ELL2: variants seen among roughly 807,000 people sequenced by gnomAD.
The protein encoded by ELL2 is elongation factor for RNA polymerase II 2.
A neutral mutation model predicts 72.8 loss-of-function variants in ELL2; 21 were observed. The ratio of observed to expected loss-of-function variants is 0.29; its 90% CI spans 0.20 to 0.42. ELL2 has a LOEUF of 0.42. Ranked by LOEUF, ELL2 falls within the 10% of genes least tolerant of loss-of-function variation. The pLI, the probability that ELL2 is intolerant of heterozygous loss-of-function variation, is 1.00. For missense variants in ELL2, 568 were observed against 772.8 expected, an observed-to-expected ratio of 0.73 and a Z score of 3.14; for synonymous variants, 266 against 283.2, an observed-to-expected ratio of 0.94 and a Z score of 0.61.
chr5:95,900,735 T>C lies in ELL2; in HGVS notation c.912A>G (p.Glu304=). ...SQNAAGTSRS[E]SPVCSSRDAV... ...CGTCTCTACTAGAACATACAGGAGATTCTGAACGGCTGGTGCCTGCAGCAT... is the reference window on the plus strand; with the variant it reads ...CGTCTCTACTAGAACATACAGGAGACTCTGAACGGCTGGTGCCTGCAGCAT... Residue 304 remains glutamate (E), a synonymous_variant, in exon 7 of 12, where the codon GAA becomes GAG. Coordinates refer to ENST00000237853, the MANE Select transcript of ELL2 (RefSeq NM_012081.6). 3.1e-6 allele frequency: 5 copies of C among 1,608,762 alleles called. No individual in the cohort carries two copies. Among genetic ancestry groups the C allele is most frequent in the Non-Finnish European group, 4.2e-6 (5 of 1,177,840 alleles).
At chr5:95,927,806 T>C (rs550211333) in intron 2 of ELL2, among the ~76,000 whole-genome samples, 1 of 101,350 alleles carries the variant, frequency 9.9e-6, no homozygotes, top group African/African-American at 5.8e-5. Flanking sequence ...CACACACACA[T>C]ATGTGTGTAT....
chr5:95,928,434 G>T lies in ELL2; in HGVS notation c.196-8889C>A, dbSNP rs1750474453. On this transcript the variant is annotated intron_variant, in intron 2 of 11. Transcript: ENST00000237853. ...CCCTTCCAAAATTTAAATATACAAA[G>T]CTGATATAAACTAAATTATCATCTC... Among the ~76,000 whole-genome samples the T allele has an allele frequency of 3.9e-5, 6 of 152,036 alleles. No individual in the cohort carries two copies. In the South Asian group the frequency reaches 1.0e-3, roughly 26 times the overall value.
chr5:95,912,670 C>T (rs1749651185), intron 4 of ELL2, among the ~76,000 whole-genome samples: 1 of 152,116 alleles, frequency 6.6e-6, no homozygotes, highest in African/African-American at 2.4e-5. Context: ...GAACTAGGCC[C>T]CATGGGTACA....
At position 95,887,918 on chromosome 5, in the gene ELL2, A is replaced by G. The variant is rs1748516632; in HGVS notation, c.*953T>C. Reference sequence around the variant, plus strand: ...TTTGCCCAACATTAATAAAGCTGACAAACTCGTTGAAATGGAAATGCTTTT... The same window carrying G: ...TTTGCCCAACATTAATAAAGCTGACGAACTCGTTGAAATGGAAATGCTTTT... On this transcript the variant is annotated 3_prime_UTR_variant, in exon 12 of 12. Transcript: ENST00000237853. 1 of 152,506 alleles carries G rather than the reference A, an allele frequency of 6.6e-6. No homozygotes were observed. The highest frequency in any genetic ancestry group is 1.5e-5 in the Non-Finnish European group (1 of 68,044). 9.4% of individuals were successfully genotyped at this position (152,506 alleles called of 1,614,324 possible).
intron 2 of ELL2, among the ~76,000 whole-genome samples, chr5:95,922,356 C>T (rs1187649641): frequency 6.6e-6 from 1 of 152,218 alleles, no homozygotes; most frequent in Non-Finnish European, 1.5e-5. Flanking sequence ...GCCACTGCGC[C>T]CAGCCTAAAT....
intron 6 of ELL2, 76 bp from the exon 7 acceptor site, chr5:95,900,856 C>T: frequency 6.4e-7 from 1 of 1,559,932 alleles, no homozygotes; most frequent in Non-Finnish European, 8.7e-7. Flanking sequence ...CCTTGCTTCC[C>T]TTCCCACCTT....
At position 95,918,821 on chromosome 5, in the gene ELL2, A is replaced by G. The variant is rs189595130; in HGVS notation, c.317+603T>C. On this transcript the variant is annotated intron_variant, in intron 3 of 11. Transcript: ENST00000237853. ...TATTGTTTACAGAGGATCTAAGTAGATAAGCGTCCCATGGTACCCTAGGGT... is the reference window on the plus strand; with the variant it reads ...TATTGTTTACAGAGGATCTAAGTAGGTAAGCGTCCCATGGTACCCTAGGGT... Among the ~76,000 whole-genome samples the G allele has an allele frequency of 2.7e-3, 406 of 151,844 alleles. 5 individuals carry two copies. The highest frequency in any genetic ancestry group is 4.0e-4 in the Non-Finnish European group (27 of 67,970).
intron 5 of ELL2, among the ~76,000 whole-genome samples, chr5:95,902,436 C>T (rs571086828): frequency 6.6e-5 from 10 of 152,162 alleles, no homozygotes; most frequent in South Asian, 2.1e-4. Flanking sequence ...CCTAGAGTTT[C>T]GCGGCTTAGC....
intron 1 of ELL2, among the ~76,000 whole-genome samples, chr5:95,947,723 C>T (rs1305049645): frequency 6.6e-6 from 1 of 152,098 alleles, no homozygotes; most frequent in Non-Finnish European, 1.5e-5. Flanking sequence ...TGTGTTACCC[C>T]CTAGTGCTAA....
At chr5:95,904,335 T>C (rs1361496412) in intron 5 of ELL2, among the ~76,000 whole-genome samples, 1 of 152,248 alleles carries the variant, frequency 6.6e-6, no homozygotes, top group Non-Finnish European at 1.5e-5. Flanking sequence ...ATCCAAATGT[T>C]AAGCTGGATA....
chr5:95,950,224 A>C (rs1561514889), intron 1 of ELL2, among the ~76,000 whole-genome samples: 2 of 152,210 alleles, frequency 1.3e-5, no homozygotes, highest in Non-Finnish European at 2.9e-5. Context: ...ACTTGGATAA[A>C]ATAGATCATC....
intron 4 of ELL2, among the ~76,000 whole-genome samples, chr5:95,913,149 G>A (rs1315004026): frequency 6.6e-6 from 1 of 152,184 alleles, no homozygotes; most frequent in Admixed American, 6.5e-5. Flanking sequence ...ACTTGAGTGA[G>A]CTAATGATAA....
At chr5:95,939,215 G>A (rs186524018) in intron 2 of ELL2, among the ~76,000 whole-genome samples, 102 of 152,198 alleles carry the variant, frequency 6.7e-4, no homozygotes, top group African/African-American at 2.3e-3. Flanking sequence ...ACACATATAC[G>A]CCTTGTTCCT....
Position 95,893,580 on chromosome 5 carries a change from T to A in ELL2, c.1589+2048A>T, listed in dbSNP as rs1487567119. Among the ~76,000 whole-genome samples the A allele has an allele frequency of 2.0e-5, 3 of 152,210 alleles. No individual in the cohort carries two copies. The East Asian group carries it at 5.8e-4, about 30-fold the overall frequency. On this transcript the variant is annotated intron_variant, in intron 9 of 11. Coordinates refer to ENST00000237853, the MANE Select transcript of ELL2 (RefSeq NM_012081.6). ...TTTTGTATTTTTAGTAGAGACGGGG[T>A]TTCACCATGTTAGCCAGGATGGTCT...
intron 2 of ELL2, among the ~76,000 whole-genome samples, chr5:95,939,983 T>C (rs1250129870): frequency 6.6e-6 from 1 of 152,188 alleles, no homozygotes; most frequent in Non-Finnish European, 1.5e-5. Context: ...AGGTACAGAT[T>C]AGAACTGTGA....
chr5:95,899,911 T>C (rs550029635), intron 7 of ELL2, among the ~76,000 whole-genome samples: 1 of 152,284 alleles, frequency 6.6e-6, no homozygotes, highest in Admixed American at 6.5e-5. Context: ...TATTTTCTGA[T>C]GTGCGAATGG....
chr5:95,943,909 T>C (rs1402724886), intron 1 of ELL2, among the ~76,000 whole-genome samples: 1 of 152,230 alleles, frequency 6.6e-6, no homozygotes, highest in Non-Finnish European at 1.5e-5. Context: ...CAGCATATTT[T>C]TCTATGGGAA....
chr5:95,897,883 T>A (rs1748934445), intron 8 of ELL2, among the ~76,000 whole-genome samples: 1 of 152,192 alleles, frequency 6.6e-6, no homozygotes. Flanking sequence ...TTGCAAATTG[T>A]GTCTGATTAA....
At chr5:95,946,159 G>A (rs1751150154) in intron 1 of ELL2, among the ~76,000 whole-genome samples, 1 of 152,170 alleles carries the variant, frequency 6.6e-6, no homozygotes, top group Non-Finnish European at 1.5e-5. Flanking sequence ...ATGGATCAGG[G>A]CAGGGCAGGG....
Sources: allele counts gnomAD v4.1 joint callset (sites outside exome capture counted in the v4.1 genomes callset), GRCh38; gene constraint gnomAD v4.1.1; transcripts MANE v1.5; gene names NCBI Gene and HGNC (gene_info 2026-07-23, HGNC 2026-07-21).